MTCL3: variants seen among roughly 807,000 people sequenced by gnomAD.
MTCL3 encodes the protein MTCL family member 3.
the MTCL3 span, chr6:127,515,070 GTCAAAA>G: frequency 6.2e-7 from 1 of 1,606,294 alleles, no homozygotes; most frequent in Middle Eastern, 1.7e-4. The surrounding 1 kb of genome is among the most constrained non-coding windows in gnomAD (Gnocchi z 4.3). Flanking sequence ...CAGGCCGCGT[GTCAAAA>G]TCAAACTCGC....
At chr6:127,510,006 T>C in the MTCL3 span, among the ~76,000 whole-genome samples, 2 of 152,302 alleles carry the variant, frequency 1.3e-5, no homozygotes, top group East Asian at 3.9e-4. Context: ...AGAATATTAT[T>C]TGGTTTTCCT....
the MTCL3 span, among the ~76,000 whole-genome samples, chr6:127,491,318 T>C: frequency 6.6e-6 from 1 of 152,198 alleles, no homozygotes; most frequent in Non-Finnish European, 1.5e-5. Context: ...GCAAATCACA[T>C]TGTTGCCTTA....
the MTCL3 span, among the ~76,000 whole-genome samples, chr6:127,480,854 C>T: frequency 2.6e-3 from 401 of 152,306 alleles, 9 homozygotes; most frequent in East Asian, 0.051. Flanking sequence ...GATATCCCAT[C>T]AGAGATAGCC....
the MTCL3 span, chr6:127,516,453 G>A: frequency 1.9e-6 from 3 of 1,599,764 alleles, no homozygotes; most frequent in Non-Finnish European, 1.7e-6. Context: ...GGGTGGCCGC[G>A]ATTGTCTGTC....
the MTCL3 span, among the ~76,000 whole-genome samples, chr6:127,513,690 A>T: frequency 0.65 from 98,843 of 151,934 alleles, 33,359 homozygotes; most frequent in Admixed American, 0.74. Context: ...AGTGGAGCAG[A>T]CTGGTGTAGA....
At chr6:127,473,772 G>A in the MTCL3 span, among the ~76,000 whole-genome samples, 2 of 152,332 alleles carry the variant, frequency 1.3e-5, no homozygotes, top group African/African-American at 4.8e-5. Context: ...TGTCTTCCGT[G>A]TCTTAAAAGC....
At chr6:127,493,685 A>C in the MTCL3 span, among the ~76,000 whole-genome samples, 1 of 152,176 alleles carries the variant, frequency 6.6e-6, no homozygotes, top group Non-Finnish European at 1.5e-5. Context: ...AGGCTGCCAA[A>C]CTTATTTCAT....
At chr6:127,512,488 C>T in the MTCL3 span, among the ~76,000 whole-genome samples, 1 of 152,104 alleles carries the variant, frequency 6.6e-6, no homozygotes, top group African/African-American at 2.4e-5. Flanking sequence ...GAGTCTTTTC[C>T]ATCCTAAAAA....
the MTCL3 span, among the ~76,000 whole-genome samples, chr6:127,478,133 A>AT: frequency 1.3e-5 from 2 of 152,172 alleles, no homozygotes; most frequent in African/African-American, 4.8e-5. Flanking sequence ...TTGATGGAAG[A>AT]TTTTTTGAGG....
chr6:127,483,342 G>T, the MTCL3 span, among the ~76,000 whole-genome samples: 1 of 152,224 alleles, frequency 6.6e-6, no homozygotes, highest in Non-Finnish European at 1.5e-5. Context: ...AGGAAAAAAA[G>T]TAAGTTATTA....
chr6:127,500,253 C>T, the MTCL3 span, among the ~76,000 whole-genome samples: 3 of 152,196 alleles, frequency 2.0e-5, no homozygotes, highest in African/African-American at 7.2e-5. Flanking sequence ...TGATCTCATA[C>T]TTCTCCATTG....
the MTCL3 span, among the ~76,000 whole-genome samples, chr6:127,479,685 A>G: frequency 6.6e-6 from 1 of 152,230 alleles, no homozygotes; most frequent in Non-Finnish European, 1.5e-5. Context: ...CATAGACTGA[A>G]TATAATAGAG....
the MTCL3 span, chr6:127,473,037 A>G: frequency 1.3e-5 from 13 of 1,007,954 alleles, no homozygotes; most frequent in Non-Finnish European, 1.6e-5. Flanking sequence ...AAAAGAAGTA[A>G]AAATTAAAAC....
At chr6:127,511,139 A>G in the MTCL3 span, among the ~76,000 whole-genome samples, 1 of 152,216 alleles carries the variant, frequency 6.6e-6, no homozygotes, top group Admixed American at 6.5e-5. Context: ...ATGGCCATCT[A>G]CAAGCCATAG....
the MTCL3 span, among the ~76,000 whole-genome samples, chr6:127,518,322 G>A: frequency 1.3e-5 from 2 of 152,206 alleles, no homozygotes; most frequent in Non-Finnish European, 2.9e-5. Context: ...TTTAAACTCA[G>A]CCCTCAGACA....
chr6:127,476,109 G>T, the MTCL3 span: 1 of 1,614,104 alleles, frequency 6.2e-7, no homozygotes. This position sits in a 1 kb window ranked among gnomAD's most constrained non-coding sequence, Gnocchi z 4.4. Context: ...ACAGGGATTC[G>T]CTCTGCTCCC....
chr6:127,497,840 T>C, the MTCL3 span, among the ~76,000 whole-genome samples: 1 of 152,018 alleles, frequency 6.6e-6, no homozygotes, highest in Non-Finnish European at 1.5e-5. Flanking sequence ...AACAAATCAA[T>C]GAGGAAAGGA....
At chr6:127,516,543 C>A in the MTCL3 span, 1 of 1,599,030 alleles carries the variant, frequency 6.3e-7, no homozygotes, top group Non-Finnish European at 8.5e-7. Context: ...GCAGACGAGC[C>A]TCAGTGGCTG....
the MTCL3 span, chr6:127,515,640 G>T: frequency 7.0e-7 from 1 of 1,437,762 alleles, no homozygotes; most frequent in African/African-American, 1.5e-5. This position sits in a 1 kb window ranked among gnomAD's most constrained non-coding sequence, Gnocchi z 4.3. Flanking sequence ...CGCCGCTCGC[G>T]CTGCCCTCTG....
Sources: allele counts gnomAD v4.1 joint callset (sites outside exome capture counted in the v4.1 genomes callset), GRCh38; gene constraint gnomAD v4.1.1; non-coding constraint Gnocchi (gnomAD v3.1); transcripts MANE v1.5; gene names NCBI Gene and HGNC (gene_info 2026-07-23, HGNC 2026-07-21).